SLC36A4: variants seen among roughly 807,000 people sequenced by gnomAD.
The protein encoded by SLC36A4 is solute carrier family 36 member 4.
SLC36A4 carries 49 observed loss-of-function variants against 50.5 expected under a neutral mutation model. That is an observed-to-expected ratio of 0.97 (90% CI 0.77 to 1.23). The LOEUF is 1.23. Among genes scored for constraint, SLC36A4 ranks in the 50% most tolerant of loss-of-function variants. The pLI, the probability that SLC36A4 is intolerant of heterozygous loss-of-function variation, is 0.00. For synonymous variants in SLC36A4, 207 were observed against 206.5 expected (o/e 1.00, Z -0.02); for missense variants, 611 against 608.4 (o/e 1.00, Z -0.05).
chr11:93,184,124 C>T (rs1384492167), intron 3 of SLC36A4, among the ~76,000 whole-genome samples: 4 of 152,132 alleles, frequency 2.6e-5, no homozygotes, highest in African/African-American at 4.8e-5. Context: ...CTGCTAAATT[C>T]AATTCCTGAA....
At chr11:93,160,090 C>T (rs1379166267) in intron 9 of SLC36A4, 24 of 985,352 alleles carry the variant, frequency 2.4e-5, no homozygotes, top group Admixed American at 1.8e-4. Flanking sequence ...AATGTAATCC[C>T]ATGATTATTC....
chr11:93,181,669 TA>T, intron 5 of SLC36A4, 21 bp downstream of exon 5: 1 of 1,467,982 alleles, frequency 6.8e-7, no homozygotes, highest in Non-Finnish European at 9.0e-7. Context: ...AATCATATAT[TA>T]ATAACAGAGT....
rs1452212797 is a variant in SLC36A4 at position 93,162,803 on chromosome 11, C to T, written c.940G>A (p.Val314Ile). Residue 314 changes from valine to isoleucine, a missense_variant, in exon 9 of 11, where the codon GTT becomes ATT. Physicochemically the swap from Val to Ile is conservative, Grantham distance 29 (BLOSUM62 3). Coordinates refer to ENST00000326402, the MANE Select transcript of SLC36A4 (RefSeq NM_152313.4). ...PQALNIGMGI[V>I]TTLYVTLATL... ...GCTAATGTTACATACAAAGTTGTAA[C>T]AATCCCCATGCCAATATTCAACGCT... 1.2e-5 allele frequency: 20 copies of T among 1,613,654 alleles called. No individual in the cohort carries two copies. The highest frequency in any genetic ancestry group is 1.6e-5 in the Non-Finnish European group (19 of 1,179,872).
At chr11:93,183,122 C>T (rs564635953) in intron 3 of SLC36A4, among the ~76,000 whole-genome samples, 5 of 152,230 alleles carry the variant, frequency 3.3e-5, no homozygotes, top group Non-Finnish European at 7.4e-5. Context: ...CTCAAACCTA[C>T]GAATATGGAG....
intron 6 of SLC36A4, among the ~76,000 whole-genome samples, chr11:93,175,415 T>C (rs1227643881): frequency 6.6e-6 from 1 of 150,580 alleles, no homozygotes; most frequent in Non-Finnish European, 1.5e-5. Context: ...GATTCATTGA[T>C]TTTTTGAAGG....
rs373759888 is a variant in SLC36A4 at position 93,162,084 on chromosome 11, G to A, written c.1037+622C>T. 2.2e-3 allele frequency among the ~76,000 whole-genome samples: 338 copies of A among 152,030 alleles called. 3 individuals carry two copies. The highest frequency in any genetic ancestry group is 7.7e-3 in the African/African-American group (321 of 41,480). ...GTAATCTATTATTTTATTAGGAAGC[G>A]TGAGTGTTTGGCTTTTTTGGCAATA... is the stretch of plus-strand genomic sequence containing the variant. On this transcript the variant is annotated intron_variant, in intron 9 of 10. Coordinates refer to ENST00000326402, the MANE Select transcript of SLC36A4 (RefSeq NM_152313.4).
chr11:93,183,700 A>G (rs937054014), intron 3 of SLC36A4, among the ~76,000 whole-genome samples: 1 of 150,954 alleles, frequency 6.6e-6, no homozygotes, highest in Non-Finnish European at 1.5e-5. Context: ...TTATTTATTT[A>G]TTTATTTTTT....
intron 1 of SLC36A4, among the ~76,000 whole-genome samples, chr11:93,191,119 C>G (rs1590990345): frequency 6.6e-6 from 1 of 152,126 alleles, no homozygotes; most frequent in Non-Finnish European, 1.5e-5. Context: ...ACCTAGATCT[C>G]TGAACATTAG....
At position 93,144,343 on chromosome 11, in the gene SLC36A4, G is replaced by C. The variant is rs549954994; in HGVS notation, c.*4194C>G. 4 of 152,120 alleles carry C rather than the reference G, an allele frequency of 2.6e-5. No homozygotes were observed. In the South Asian group the frequency reaches 8.3e-4, roughly 31 times the overall value. 9.4% of individuals were successfully genotyped at this position (152,120 alleles called of 1,614,324 possible). A position where few individuals can be genotyped will look rare whatever the true frequency, so the allele number is the denominator to read the frequency against. On this transcript the variant is annotated 3_prime_UTR_variant, in exon 11 of 11. Transcript: ENST00000326402. ...GAAAAACAAAAATCCACCCACAGCT[G>C]AATTTATTCAGGGTGTAAACATATA...
chr11:93,148,634 T>C lies in SLC36A4; in HGVS notation c.1418A>G (p.Glu473Gly), dbSNP rs1859938960. The change falls in exon 11 of 11, where the codon GAA (glutamate) becomes GGA (glycine). Residue 473 changes from glutamate to glycine, a missense_variant. Physicochemically the swap from Glu to Gly is moderately conservative, Grantham distance 98. Transcript: ENST00000326402. ...GFLLGTYITV[E>G]EIIYPTPKVV... Reference sequence around the variant, plus strand: ...TTTGGGAGTAGGATAAATAATTTCTTCAACAGTTATATATGTACCTAATAA... The same window carrying C: ...TTTGGGAGTAGGATAAATAATTTCTCCAACAGTTATATATGTACCTAATAA... 6.2e-7 allele frequency: 1 copy of C among 1,612,606 alleles called. No homozygotes were observed. Among genetic ancestry groups the C allele is most frequent in the Non-Finnish European group, 8.5e-7 (1 of 1,179,196 alleles).
At chr11:93,196,735 T>G (rs1228545363) in intron 1 of SLC36A4, among the ~76,000 whole-genome samples, 2 of 152,206 alleles carry the variant, frequency 1.3e-5, no homozygotes, top group African/African-American at 4.8e-5. Context: ...GAATACCCAT[T>G]TCTCCATATC....
At position 93,197,953 on chromosome 11, in the gene SLC36A4, C is replaced by G. The variant is rs1862511157; in HGVS notation, c.-121G>C. ...GGACCCGCGCCTGGTGCCCGCCTCC[C>G]TGCCCCGGCGCTCCCCAACCGCGCG... is the stretch of plus-strand genomic sequence containing the variant. On this transcript the variant is annotated 5_prime_UTR_variant, in exon 1 of 11. Transcript: ENST00000326402. 1.9e-6 allele frequency: 2 copies of G among 1,054,538 alleles called. No homozygotes were observed. Among genetic ancestry groups the G allele is most frequent in the African/African-American group, 3.4e-5 (2 of 59,072 alleles). 65.3% of individuals were successfully genotyped at this position (1,054,538 alleles called of 1,614,324 possible). A position where few individuals can be genotyped will look rare whatever the true frequency, so the allele number is the denominator to read the frequency against.
Position 93,168,125 on chromosome 11 carries a change from G to T in SLC36A4, c.587C>A (p.Thr196Asn), listed in dbSNP as rs1860967657. The change falls in exon 7 of 11, where the codon ACC becomes AAC. Residue 196 changes from threonine (T) to asparagine (N), a missense_variant. Coordinates refer to ENST00000326402, the MANE Select transcript of SLC36A4 (RefSeq NM_152313.4). ...LESKVFISNS[T>N]NSSNPCERRS... is the part of the protein sequence containing the mutation. Reference sequence around the variant, plus strand: ...TCTCTCACAAGGGTTTGATGAATTGGTACTATTTGAAATAAACACTTTACT... The same window carrying T: ...TCTCTCACAAGGGTTTGATGAATTGTTACTATTTGAAATAAACACTTTACT... 6.2e-7 allele frequency: 1 copy of T among 1,611,768 alleles called. No individual in the cohort carries two copies. The highest frequency in any genetic ancestry group is 1.3e-5 in the African/African-American group (1 of 74,740).
rs114689097 is a variant in SLC36A4, at chr11:93,169,748, T to C, written c.541-1577A>G. On this transcript the variant is annotated intron_variant, in intron 6 of 10. Transcript: ENST00000326402. Reference sequence around the variant, plus strand: ...ACCATCAAAACTTTACATTTTATTTTCTATAATTTGAAATAAAAACAAAAT... The same window carrying C: ...ACCATCAAAACTTTACATTTTATTTCCTATAATTTGAAATAAAAACAAAAT... 7.1e-3 allele frequency among the ~76,000 whole-genome samples: 1,086 copies of C among 152,244 alleles called. 11 individuals are homozygous for C. Among genetic ancestry groups the C allele is most frequent in the African/African-American group, 0.025 (1,031 of 41,548 alleles).
At chr11:93,189,820 A>G (rs1242055514) in intron 1 of SLC36A4, among the ~76,000 whole-genome samples, 1 of 152,234 alleles carries the variant, frequency 6.6e-6, no homozygotes, top group African/African-American at 2.4e-5. Context: ...CTTTAACAAC[A>G]ATATGAACTC....
chr11:93,180,507 A>G (rs944496637), intron 6 of SLC36A4, among the ~76,000 whole-genome samples: 1 of 152,140 alleles, frequency 6.6e-6, no homozygotes, highest in Non-Finnish European at 1.5e-5. Context: ...CAAAGCATCT[A>G]TGTATATGCT....
At chr11:93,174,316 G>A (rs1404606137) in intron 6 of SLC36A4, among the ~76,000 whole-genome samples, 1 of 150,270 alleles carries the variant, frequency 6.7e-6, no homozygotes, top group African/African-American at 2.4e-5. Context: ...AGACTTTGCT[G>A]AAGTTGCTTA....
rs182635326 is a variant in SLC36A4 at position 93,177,893 on chromosome 11, T to C, written c.540+2904A>G. Among the ~76,000 whole-genome samples, 257 of 152,336 alleles carry C rather than the reference T, an allele frequency of 1.7e-3. 1 individual carries two copies. Among genetic ancestry groups the C allele is most frequent in the African/African-American group, 6.0e-3 (248 of 41,590 alleles). On this transcript the variant is annotated intron_variant, in intron 6 of 10. Transcript: ENST00000326402. The stretch of plus-strand genomic sequence containing the variant: ...TGCACTCGGAGAACCACTATTCTAT[T>C]CAAAGCTGTCAGAGAGGAATGTTTA...
chr11:93,196,584 T>G (rs1463840838), intron 1 of SLC36A4, among the ~76,000 whole-genome samples: 19 of 152,122 alleles, frequency 1.2e-4, no homozygotes. Flanking sequence ...GCCAGGATGG[T>G]CTCCATCTCC....
Sources: gnomAD v4.1 joint callset for allele counts (sites outside exome capture counted in the v4.1 genomes callset) on GRCh38, gnomAD v4.1.1 for gene constraint, MANE v1.5 for transcripts, NCBI Gene and HGNC (gene_info 2026-07-23, HGNC 2026-07-21) for gene names.